EPHX2: variants seen among roughly 807,000 people sequenced by gnomAD.
EPHX2 encodes the protein bifunctional epoxide hydrolase 2.
A neutral mutation model predicts 78.7 loss-of-function variants in EPHX2; 74 were observed. The ratio of observed to expected loss-of-function variants is 0.94; its 90% CI spans 0.78 to 1.14. The LOEUF (loss-of-function observed/expected upper bound fraction) is 1.14, where lower values mean the gene tolerates loss of function less well. Among genes scored for constraint, EPHX2 ranks in the 50% most tolerant of loss-of-function variants. The probability of loss-of-function intolerance (pLI) is 0.00; values close to 1 mark genes in which losing one functional copy is unlikely to be tolerated. For missense variants in EPHX2, 715 were observed against 702.5 expected (o/e 1.02, Z -0.20); for synonymous variants, 251 against 255.2 (o/e 0.98, Z 0.16).
chr8:27,497,038 C>T (rs1350074933), intron 1 of EPHX2, among the ~76,000 whole-genome samples: 1 of 152,218 alleles, frequency 6.6e-6, no homozygotes, highest in Non-Finnish European at 1.5e-5. Flanking sequence ...TAGCTGGTTA[C>T]AGGCTGTCCC....
Position 27,505,084 on chromosome 8 carries a change from G to A in EPHX2, c.475G>A (p.Val159Ile). 9 of 1,614,128 alleles carry A rather than the reference G, an allele frequency of 5.6e-6. No individual in the cohort carries two copies. The highest frequency in any genetic ancestry group is 7.6e-6 in the Non-Finnish European group (9 of 1,180,030). Residue 159 changes from valine to isoleucine, a missense_variant, in exon 4 of 19, where the codon GTC becomes ATC. Val to Ile is a conservative substitution (Grantham distance 29). Transcript: ENST00000521400. ...GATAGAGTCGTGTCAGGTGGGAATG[G>A]TCAAACCTGAACCTCAGATCTACAA... ...FLIESCQVGM[V>I]KPEPQIYKFL...
intron 10 of EPHX2, 61 bp downstream of exon 10, chr8:27,520,970 G>A (rs751178187): frequency 3.7e-4 from 594 of 1,607,588 alleles, no homozygotes; most frequent in Non-Finnish European, 4.8e-4. Flanking sequence ...GGTAATTAAA[G>A]AAAAGGCGTC....
intron 14 of EPHX2, 170 bp downstream of exon 14, chr8:27,538,862 A>G: frequency 1.5e-6 from 1 of 673,466 alleles, no homozygotes; most frequent in African/African-American, 1.8e-5. Flanking sequence ...CCCAGGCCTG[A>G]GCACACAGCC....
rs1291042067 is a variant in EPHX2 at position 27,507,084 on chromosome 8, C to T, written c.660+90C>T. 2.6e-5 allele frequency: 40 copies of T among 1,515,782 alleles called. No individual in the cohort carries two copies. The South Asian group carries it at 2.9e-4, about 11-fold the overall frequency. 93.9% of individuals were successfully genotyped at this position (1,515,782 alleles called of 1,614,324 possible). On this transcript the variant is annotated intron_variant, in intron 5 of 18. Coordinates refer to ENST00000521400, the MANE Select transcript of EPHX2 (RefSeq NM_001979.6). ...AACCACGAGCAGAGAAGCTGCTGTC[C>T]GTGGAGTCCATGAATGACTCCTGGG...
chr8:27,508,753 TGTGTGTGTGTGTGCGCGCACGCAC>T (rs1358953423), intron 5 of EPHX2, among the ~76,000 whole-genome samples: 8 of 151,982 alleles, frequency 5.3e-5, no homozygotes, highest in East Asian at 3.9e-4. Context: ...TTGCCATCTT[TGTGTGTGTGTGTGCGCGCACGCAC>T]GTGTGTGTGT....
rs759573483 is a variant in EPHX2, at chr8:27,541,477, C to G, written c.1384C>G (p.Pro462Ala). The stretch of plus-strand genomic sequence containing the variant: ...TACTTTCTGATCTCTCCCCAGAGGT[C>G]CTCTAAACTGGTACCGAAACATGGA... ...QQFKKSGFRG[P>A]LNWYRNMERN... Residue 462 changes from proline (P) to alanine (A), a missense_variant, in exon 16 of 19, where the codon CCT becomes GCT. By Grantham distance (27) the Pro-to-Ala change is conservative. Coordinates refer to ENST00000521400, the MANE Select transcript of EPHX2 (RefSeq NM_001979.6). 17 of 1,614,092 alleles carry G rather than the reference C, an allele frequency of 1.1e-5. No individual in the cohort carries two copies. In the Admixed American group the frequency reaches 2.8e-4, roughly 27 times the overall value.
chr8:27,501,324 T>TTCTTCTTCTTCTTCTTCTTCTTC (rs1813761423), intron 2 of EPHX2, among the ~76,000 whole-genome samples: 1 of 102,914 alleles, frequency 9.7e-6, no homozygotes, highest in African/African-American at 3.7e-5. Context: ...TGCTATATAT[T>TTCTTCTTCTTCTTCTTCTTCTTC]TTCTTCTTCT....
At chr8:27,495,981 GA>G (rs570104700) in intron 1 of EPHX2, among the ~76,000 whole-genome samples, 4 of 152,274 alleles carry the variant, frequency 2.6e-5, no homozygotes, top group Admixed American at 6.5e-5. Flanking sequence ...TTAGAGCATA[GA>G]GTGGCCTGGC....
chr8:27,520,931 A>G, intron 10 of EPHX2, 22 bp downstream of exon 10: 2 of 1,613,794 alleles, frequency 1.2e-6, no homozygotes, highest in Non-Finnish European at 1.7e-6. Flanking sequence ...TTTTGAACTG[A>G]TATCTTTGGA....
chr8:27,538,693 G>A lies in EPHX2; in HGVS notation c.1276+1G>A. 3 of 1,613,872 alleles carry A rather than the reference G, an allele frequency of 1.9e-6. No individual in the cohort carries two copies. The highest frequency in any genetic ancestry group is 2.5e-6 in the Non-Finnish European group (3 of 1,179,750). The stretch of plus-strand genomic sequence containing the variant: ...TCCATGCATAAAGTCTGTGAAGCGG[G>A]TAAGAGACATGCTTGGGAGAGCCAT... On this transcript the variant is annotated splice_donor_variant, in intron 14 of 18. Coordinates refer to ENST00000521400, the MANE Select transcript of EPHX2 (RefSeq NM_001979.6). LOFTEE classifies it high-confidence loss of function.
intron 12 of EPHX2, among the ~76,000 whole-genome samples, chr8:27,532,756 T>G (rs969537470): frequency 6.6e-6 from 1 of 152,182 alleles, no homozygotes; most frequent in Non-Finnish European, 1.5e-5. Flanking sequence ...GGTCATTAGA[T>G]CTAGGGCCCA....
intron 1 of EPHX2, among the ~76,000 whole-genome samples, chr8:27,494,578 C>A (rs1331606426): frequency 6.6e-6 from 1 of 152,178 alleles, no homozygotes; most frequent in Admixed American, 6.5e-5. Flanking sequence ...TTGACTTAGG[C>A]ATATGGGCGA....
At chr8:27,495,202 A>G (rs1422463873) in intron 1 of EPHX2, among the ~76,000 whole-genome samples, 1 of 152,226 alleles carries the variant, frequency 6.6e-6, no homozygotes, top group African/African-American at 2.4e-5. Flanking sequence ...TTGGGCATGT[A>G]GGATTAGATA....
rs868166142 is a variant in EPHX2, at chr8:27,516,381, A to G, written c.893A>G (p.Glu298Gly). Residue 298 changes from glutamate (E) to glycine (G), a missense_variant, in exon 8 of 19, where the codon GAG (glutamate) becomes GGG (glycine). By Grantham distance (98) the Glu-to-Gly change is moderately conservative. Coordinates refer to ENST00000521400, the MANE Select transcript of EPHX2 (RefSeq NM_001979.6). ...GCTATGGACATGAAAGGCTATGGAG[A>G]GTCATCTGCTCCTCCCGGTGGGTGT... ...VLAMDMKGYG[E>G]SSAPPEIEEY... The G allele has an allele frequency of 6.2e-7, 1 of 1,613,844 alleles. No homozygotes were observed. Among genetic ancestry groups the G allele is most frequent in the South Asian group, 1.1e-5 (1 of 91,062 alleles).
chr8:27,503,908 G>A, intron 3 of EPHX2, 145 bp downstream of exon 3: 1 of 1,057,470 alleles, frequency 9.5e-7, no homozygotes, highest in South Asian at 1.9e-5. Flanking sequence ...CCCAAAGCAA[G>A]TTTTATCCAA....
chr8:27,535,465 C>A (rs1288604814), intron 12 of EPHX2, among the ~76,000 whole-genome samples: 1 of 152,112 alleles, frequency 6.6e-6, no homozygotes, highest in Non-Finnish European at 1.5e-5. Context: ...TGAACCACTG[C>A]ACCCGGCCAA....
chr8:27,505,293 G>C, intron 4 of EPHX2, 147 bp downstream of exon 4: 1 of 775,636 alleles, frequency 1.3e-6, no homozygotes, highest in Non-Finnish European at 2.1e-6. Context: ...TCTCCTAGAA[G>C]ACTGTTACCC....
intron 13 of EPHX2, 109 bp from the exon 14 acceptor site, chr8:27,538,550 A>T (rs1457379147): frequency 9.8e-7 from 1 of 1,015,582 alleles, no homozygotes; most frequent in African/African-American, 1.6e-5. Context: ...CAGGGTTTTC[A>T]GATGAGCATA....
intron 12 of EPHX2, 91 bp from the exon 13 acceptor site, chr8:27,536,693 A>T: frequency 7.6e-7 from 1 of 1,322,006 alleles, no homozygotes; most frequent in Non-Finnish European, 1.1e-6. Context: ...GGGCACAGGT[A>T]GGGTGCTTGT....
Sources: allele counts gnomAD v4.1 joint callset (sites outside exome capture counted in the v4.1 genomes callset), GRCh38; gene constraint gnomAD v4.1.1; transcripts MANE v1.5; gene names NCBI Gene and HGNC (gene_info 2026-07-23, HGNC 2026-07-21).